Variants in LSAMP observed in about 807,000 individuals in gnomAD.
LSAMP encodes limbic system-associated membrane protein.
LSAMP carries 7 observed loss-of-function variants against 38.6 expected under a neutral mutation model. The ratio of observed to expected loss-of-function variants is 0.18; its 90% CI spans 0.10 to 0.34. LSAMP has a LOEUF of 0.34. Among genes scored for constraint, LSAMP ranks in the 10% least tolerant of loss-of-function variants. The pLI is 1.00. For synonymous variants in LSAMP, 154 were observed against 166.8 expected (o/e 0.92, Z 0.59); for missense variants, 313 against 420.0 (o/e 0.75, Z 2.23).
intron 1 of LSAMP, 87 bp downstream of exon 1, chr3:116,444,789 CA>C (rs2049483214): frequency 5.1e-5 from 7 of 137,456 alleles, no homozygotes; most frequent in African/African-American, 2.7e-4. Context: ...GGAGATCAGA[CA>C]CACACACACA....
intron 1 of LSAMP, among the ~76,000 whole-genome samples, chr3:116,308,681 A>G (rs1257659834): frequency 6.6e-6 from 1 of 152,056 alleles, no homozygotes; most frequent in Non-Finnish European, 1.5e-5. Context: ...ACTGAAGCAG[A>G]GTGGAATAAC....
chr3:116,104,113 G>A (rs1056876418), intron 1 of LSAMP, among the ~76,000 whole-genome samples: 1 of 152,146 alleles, frequency 6.6e-6, no homozygotes, highest in Non-Finnish European at 1.5e-5. Flanking sequence ...CAGGGCCTCC[G>A]TGGCCCACCC....
intron 1 of LSAMP, among the ~76,000 whole-genome samples, chr3:116,382,194 A>G (rs1007861541): frequency 6.6e-6 from 1 of 152,118 alleles, no homozygotes; most frequent in African/African-American, 2.4e-5. Flanking sequence ...TGCTATAAAG[A>G]CACATGCACA....
chr3:116,210,465 G>A (rs542635815), intron 1 of LSAMP, among the ~76,000 whole-genome samples: 3 of 152,330 alleles, frequency 2.0e-5, no homozygotes, highest in South Asian at 4.1e-4. Flanking sequence ...CAGACGGCAA[G>A]TTCTTCAGCT....
chr3:115,902,619 C>T (rs1936905369), intron 3 of LSAMP, among the ~76,000 whole-genome samples: 1 of 152,080 alleles, frequency 6.6e-6, no homozygotes, highest in Non-Finnish European at 1.5e-5. Context: ...TATCCAGCAT[C>T]TATAAGGAAC....
At chr3:116,292,604 G>A (rs765361527) in intron 1 of LSAMP, among the ~76,000 whole-genome samples, 19 of 152,072 alleles carry the variant, frequency 1.2e-4, no homozygotes, top group Non-Finnish European at 2.6e-4. Flanking sequence ...AATTTGTGGC[G>A]GGCTTTACAA....
intron 1 of LSAMP, among the ~76,000 whole-genome samples, chr3:116,204,773 G>T (rs2046042919): frequency 4.0e-5 from 6 of 150,666 alleles, no homozygotes; most frequent in Admixed American, 4.0e-4. Context: ...CTCTGTTTTG[G>T]TACCAGTACC....
chr3:115,971,345 G>A (rs1422035002), intron 3 of LSAMP, among the ~76,000 whole-genome samples: 2 of 152,114 alleles, frequency 1.3e-5, no homozygotes, highest in Non-Finnish European at 2.9e-5. Context: ...GACTATACTG[G>A]CAAGTAAAAC....
At chr3:116,076,505 C>T (rs1483992314) in intron 2 of LSAMP, among the ~76,000 whole-genome samples, 1 of 152,168 alleles carries the variant, frequency 6.6e-6, no homozygotes, top group Non-Finnish European at 1.5e-5. Flanking sequence ...GATCTGCCCA[C>T]CTCAGCCTCC....
intron 1 of LSAMP, among the ~76,000 whole-genome samples, chr3:116,297,329 G>A (rs956270254): frequency 6.6e-6 from 1 of 152,034 alleles, no homozygotes; most frequent in Non-Finnish European, 1.5e-5. Context: ...ATATTATTGG[G>A]GTGGTCAAAG....
intron 1 of LSAMP, among the ~76,000 whole-genome samples, chr3:116,444,068 G>GA (rs896309757): frequency 2.0e-5 from 3 of 151,926 alleles, no homozygotes; most frequent in Non-Finnish European, 2.9e-5. Flanking sequence ...GAGCTGCACA[G>GA]AAAAAAAGAC....
In LSAMP at chr3:116,444,729, A is replaced by C. The variant is rs1386770306; in HGVS notation, c.155+148T>G. The C allele has an allele frequency of 2.6e-5, 25 of 964,194 alleles. No homozygotes were observed. The highest frequency in any genetic ancestry group is 2.6e-4 in the Admixed American group (12 of 47,028). 59.7% of individuals were successfully genotyped at this position (964,194 alleles called of 1,614,324 possible). A position where few individuals can be genotyped will look rare whatever the true frequency, so the allele number is the denominator to read the frequency against. Reference sequence around the variant, plus strand: ...GTAAAACAGGGACACACACACACACACCACACACACACACACCACAAGCCT... The same window carrying C: ...GTAAAACAGGGACACACACACACACCCCACACACACACACACCACAAGCCT... On this transcript the variant is annotated intron_variant, in intron 1 of 6. Transcript: ENST00000490035.
chr3:116,342,879 A>G (rs1013405768), intron 1 of LSAMP, among the ~76,000 whole-genome samples: 2 of 152,120 alleles, frequency 1.3e-5, no homozygotes, highest in East Asian at 1.9e-4. Context: ...CTATGACTCT[A>G]TAATTCAGTG....
chr3:115,805,669 G>A lies in LSAMP; in HGVS notation c.*4648C>T, dbSNP rs760279263. The A allele has an allele frequency of 1.3e-5, 2 of 152,224 alleles. No individual in the cohort carries two copies. The highest frequency in any genetic ancestry group is 2.9e-5 in the Non-Finnish European group (2 of 68,036). The allele number at this position is 152,224 out of a possible 1,614,324, so 9.4% of individuals were successfully genotyped here. The stretch of plus-strand genomic sequence containing the variant: ...CCAGCTTCCTTGCCAAGAGAAAAGT[G>A]AGATGTACATGCTGGGTGAAAACAA... On this transcript the variant is annotated 3_prime_UTR_variant, in exon 7 of 7. Coordinates refer to ENST00000490035, the MANE Select transcript of LSAMP (RefSeq NM_002338.5).
At chr3:116,208,188 C>T (rs1312609310) in intron 1 of LSAMP, among the ~76,000 whole-genome samples, 15 of 152,094 alleles carry the variant, frequency 9.9e-5, no homozygotes, top group East Asian at 3.9e-4. Context: ...TCCAGTTGAT[C>T]GCATCAGCTC....
chr3:115,972,945 G>C (rs1359017576), intron 3 of LSAMP, among the ~76,000 whole-genome samples: 1 of 151,368 alleles, frequency 6.6e-6, no homozygotes, highest in Non-Finnish European at 1.5e-5. Flanking sequence ...ATCAAAAAAG[G>C]CTTCACAAAG....
chr3:115,991,964 C>T (rs1343847301), intron 3 of LSAMP, among the ~76,000 whole-genome samples: 3 of 152,006 alleles, frequency 2.0e-5, no homozygotes, highest in African/African-American at 7.2e-5. Context: ...CATGTTTGCT[C>T]TTGCACATGC....
At chr3:116,226,842 G>A (rs1008853257) in intron 1 of LSAMP, among the ~76,000 whole-genome samples, 2 of 152,174 alleles carry the variant, frequency 1.3e-5, no homozygotes, top group Admixed American at 6.5e-5. Flanking sequence ...ACTGGGCTCC[G>A]TGAGTTTTCT....
At chr3:116,338,975 C>T (rs939662199) in intron 1 of LSAMP, among the ~76,000 whole-genome samples, 2 of 151,920 alleles carry the variant, frequency 1.3e-5, no homozygotes, top group Non-Finnish European at 2.9e-5. Flanking sequence ...ATAGTTTCAG[C>T]GAAGACTTTG....
Sources: gnomAD v4.1 joint callset for allele counts (sites outside exome capture counted in the v4.1 genomes callset) on GRCh38, gnomAD v4.1.1 for gene constraint, MANE v1.5 for transcripts, NCBI Gene and HGNC (gene_info 2026-07-23, HGNC 2026-07-21) for gene names.